Variants in MDGA2 observed in about 807,000 individuals in gnomAD.
MDGA2 encodes the protein MAM domain containing glycosylphosphatidylinositol anchor 2.
Under a neutral mutation model 117.8 loss-of-function variants are expected in MDGA2, and 40 were observed. The ratio of observed to expected loss-of-function variants is 0.34; its 90% confidence interval spans 0.26 to 0.44. The LOEUF (loss-of-function observed/expected upper bound fraction) is 0.44, where lower values mean the gene tolerates loss of function less well. Among genes scored for constraint, MDGA2 ranks in the 20% least tolerant of loss-of-function variants. MDGA2 has a pLI of 1.00. For missense variants in MDGA2, 1,123 were observed against 1,250.6 expected (o/e 0.90, Z 1.54); for synonymous variants, 452 against 439.0 (o/e 1.03, Z -0.37).
intron 1 of MDGA2, among the ~76,000 whole-genome samples, chr14:47,639,339 G>A (rs756732906): frequency 2.6e-5 from 4 of 152,082 alleles, no homozygotes; most frequent in Non-Finnish European, 4.4e-5. Context: ...TGCCTCATCC[G>A]CCATGAACTT....
intron 1 of MDGA2, among the ~76,000 whole-genome samples, chr14:47,499,893 T>A (rs1894364108): frequency 2.0e-5 from 3 of 152,158 alleles, no homozygotes; most frequent in Non-Finnish European, 4.4e-5. Context: ...GGCATTTATC[T>A]TTGTCCAGAT....
chr14:47,117,614 C>T (rs574877056), intron 5 of MDGA2, among the ~76,000 whole-genome samples: 2 of 152,012 alleles, frequency 1.3e-5, no homozygotes, highest in Non-Finnish European at 2.9e-5. Context: ...AATAGATGAG[C>T]CTTCAGAACA....
At chr14:47,282,398 G>A (rs1394390488) in intron 2 of MDGA2, among the ~76,000 whole-genome samples, 1 of 152,082 alleles carries the variant, frequency 6.6e-6, no homozygotes. Context: ...ATTCAAACAG[G>A]GTAGGGTGTG....
chr14:47,073,631 G>A (rs1890375002), intron 6 of MDGA2, among the ~76,000 whole-genome samples: 1 of 152,160 alleles, frequency 6.6e-6, no homozygotes, highest in African/African-American at 2.4e-5. Flanking sequence ...AAGACTGACA[G>A]TATTTTATTA....
chr14:46,949,498 C>T (rs1271728149), intron 9 of MDGA2, among the ~76,000 whole-genome samples: 1 of 151,978 alleles, frequency 6.6e-6, no homozygotes, highest in Admixed American at 6.6e-5. Context: ...GTTTAACCCT[C>T]ACCTCCCTTT....
chr14:47,435,982 T>A (rs978867163), intron 1 of MDGA2, among the ~76,000 whole-genome samples: 1 of 152,100 alleles, frequency 6.6e-6, no homozygotes, highest in African/African-American at 2.4e-5. Flanking sequence ...TTTCCTTTTT[T>A]TGTCTCTCTC....
At chr14:47,189,573 C>T (rs1885035831) in intron 3 of MDGA2, among the ~76,000 whole-genome samples, 1 of 152,120 alleles carries the variant, frequency 6.6e-6, no homozygotes, top group Non-Finnish European at 1.5e-5. Flanking sequence ...TTCCTCCTCC[C>T]CATCACCTTT....
At chr14:47,106,518 G>A (rs1221395547) in intron 5 of MDGA2, among the ~76,000 whole-genome samples, 24 of 151,892 alleles carry the variant, frequency 1.6e-4, no homozygotes, top group African/African-American at 5.3e-4. Flanking sequence ...CTCCTAAGCC[G>A]CGTCCCATCT....
intron 14 of MDGA2, among the ~76,000 whole-genome samples, chr14:46,861,683 G>A (rs896488410): frequency 6.6e-6 from 1 of 151,844 alleles, no homozygotes; most frequent in Non-Finnish European, 1.5e-5. Context: ...TAATTTCAAT[G>A]TTTTACATAT....
intron 1 of MDGA2, among the ~76,000 whole-genome samples, chr14:47,565,251 T>C (rs759474426): frequency 2.5e-4 from 38 of 152,236 alleles, no homozygotes; most frequent in Non-Finnish European, 4.3e-4. Flanking sequence ...CTGATGTTCC[T>C]TCAATCTTTC....
chr14:47,382,873 T>C (rs2138420870), intron 1 of MDGA2, among the ~76,000 whole-genome samples: 1 of 152,320 alleles, frequency 6.6e-6, no homozygotes, highest in Non-Finnish European at 1.5e-5. Context: ...CAAAGGATTA[T>C]AAATCATGCT....
At chr14:47,090,484 A>T (rs1879588799) in intron 6 of MDGA2, among the ~76,000 whole-genome samples, 1 of 152,144 alleles carries the variant, frequency 6.6e-6, no homozygotes, top group Admixed American at 6.6e-5. Flanking sequence ...TGGGTTCAAA[A>T]ATGGAAAAAG....
intron 1 of MDGA2, among the ~76,000 whole-genome samples, chr14:47,563,443 G>A (rs1895852385): frequency 6.6e-6 from 1 of 152,004 alleles, no homozygotes; most frequent in Non-Finnish European, 1.5e-5. Flanking sequence ...TATATATTTA[G>A]GATGGTTAGT....
intron 1 of MDGA2, among the ~76,000 whole-genome samples, chr14:47,539,626 A>ACC (rs1895295853): frequency 6.6e-6 from 1 of 152,184 alleles, no homozygotes; most frequent in South Asian, 2.1e-4. Context: ...ATCACAGTGA[A>ACC]CTATACAGAT....
intron 2 of MDGA2, among the ~76,000 whole-genome samples, chr14:47,284,849 C>A (rs1309150081): frequency 6.6e-6 from 1 of 152,070 alleles, no homozygotes; most frequent in Non-Finnish European, 1.5e-5. Flanking sequence ...TCTGCCTGTA[C>A]CTAGGCAGCT....
chr14:47,268,639 G>C (rs1388907468), intron 2 of MDGA2, among the ~76,000 whole-genome samples: 2 of 152,112 alleles, frequency 1.3e-5, no homozygotes, highest in African/African-American at 4.8e-5. Flanking sequence ...CATATGTCTA[G>C]ATGCAATTCT....
intron 1 of MDGA2, among the ~76,000 whole-genome samples, chr14:47,664,696 A>T (rs1057295747): frequency 7.9e-5 from 12 of 152,224 alleles, no homozygotes; most frequent in Admixed American, 5.9e-4. Flanking sequence ...TCTTTTCACA[A>T]GGGCAATGCC....
chr14:47,037,889 C>T (rs1418506780), intron 7 of MDGA2, among the ~76,000 whole-genome samples: 1 of 152,150 alleles, frequency 6.6e-6, no homozygotes, highest in African/African-American at 2.4e-5. Context: ...AGCTACCTGA[C>T]CTTGGCCAAC....
chr14:47,113,431 G>A (rs966887177), intron 5 of MDGA2, among the ~76,000 whole-genome samples: 13 of 152,030 alleles, frequency 8.6e-5, no homozygotes, highest in African/African-American at 2.7e-4. Context: ...CATGATCCTA[G>A]TACCAAAACC....
Sources: gnomAD v4.1 joint callset for allele counts (sites outside exome capture counted in the v4.1 genomes callset) on GRCh38, gnomAD v4.1.1 for gene constraint, MANE v1.5 for transcripts, NCBI Gene and HGNC (gene_info 2026-07-23, HGNC 2026-07-21) for gene names.